Variants in RHOQ observed in about 807,000 individuals in gnomAD.
RHOQ encodes the protein ras homolog family member Q, also known as rho-related GTP-binding protein RhoQ.
Under a neutral mutation model 25.8 loss-of-function variants are expected in RHOQ, and 7 were observed. The observed-to-expected ratio is 0.27, with a 90% CI of 0.15 to 0.51. RHOQ has a LOEUF of 0.51. Among genes scored for constraint, RHOQ ranks in the 20% least tolerant of loss-of-function variants. RHOQ has a pLI of 0.97. For missense variants in RHOQ, 165 were observed against 260.6 expected (o/e 0.63, Z 2.53); for synonymous variants, 97 against 98.6 (o/e 0.98, Z 0.10).
At chr2:46,550,391 G>T (rs981380565) in intron 2 of RHOQ, among the ~76,000 whole-genome samples, 1 of 152,204 alleles carries the variant, frequency 6.6e-6, no homozygotes, top group African/African-American at 2.4e-5. Flanking sequence ...AGTCTTTAAG[G>T]TTCAAAGGAG....
chr2:46,551,122 C>G (rs1028962996), intron 2 of RHOQ, among the ~76,000 whole-genome samples: 1 of 152,164 alleles, frequency 6.6e-6, no homozygotes, highest in Non-Finnish European at 1.5e-5. Flanking sequence ...CCTTCGGAAA[C>G]CTGTTTCCTT....
Position 46,581,404 on chromosome 2 carries a change from C to T in RHOQ, c.*321C>T. ...AAAAACAGAGCTGTAAATGGAACTGCTTGGCTTTGACCATACACATTTCTG... is the reference window on the plus strand; with the variant it reads ...AAAAACAGAGCTGTAAATGGAACTGTTTGGCTTTGACCATACACATTTCTG... On this transcript the variant is annotated 3_prime_UTR_variant, in exon 5 of 5. Transcript: ENST00000238738. 6.4e-7 allele frequency: 1 copy of T among 1,551,644 alleles called. No individual in the cohort carries two copies. Among genetic ancestry groups the T allele is most frequent in the East Asian group, 2.4e-5 (1 of 41,636 alleles).
chr2:46,582,930 T>C lies in RHOQ; in HGVS notation c.*1847T>C, dbSNP rs1232399048. The C allele has an allele frequency of 2.0e-5, 3 of 152,276 alleles. No individual in the cohort carries two copies. Among genetic ancestry groups the C allele is most frequent in the Non-Finnish European group, 4.4e-5 (3 of 68,014 alleles). The allele number at this position is 152,276 out of a possible 1,614,324, so 9.4% of individuals were successfully genotyped here. A position where few individuals can be genotyped will look rare whatever the true frequency, so the allele number is the denominator to read the frequency against. The stretch of plus-strand genomic sequence containing the variant: ...TCTTCTTTCTTCCAAGAAATGGTGG[T>C]TCACATTAAAGTATCATGGCCTTAT... On this transcript the variant is annotated 3_prime_UTR_variant, in exon 5 of 5. Transcript: ENST00000238738.
chr2:46,572,125 T>G (rs1668945343), intron 2 of RHOQ, among the ~76,000 whole-genome samples: 2 of 141,182 alleles, frequency 1.4e-5, no homozygotes, highest in Non-Finnish European at 1.5e-5. Flanking sequence ...TTTTTTTTTT[T>G]TTTTTTTTTG....
chr2:46,543,812 GGTGA>G lies in RHOQ; in HGVS notation c.201+4_201+7del, dbSNP rs1360184747. On this transcript the variant is annotated splice_donor_variant and splice_donor_region_variant and intron_variant, in intron 2 of 4. Transcript: ENST00000238738. LOFTEE classifies it high-confidence loss of function. The stretch of plus-strand genomic sequence containing the variant: ...TAGGACTCTATGACACGGCCGGACA[GGTGA>G]GTGTCTTGGCCTCTGGCCGACGCCC... The G allele has an allele frequency of 1.2e-6, 2 of 1,613,128 alleles. No individual in the cohort carries two copies.
At chr2:46,561,630 C>G (rs1197458780) in intron 2 of RHOQ, among the ~76,000 whole-genome samples, 1 of 151,988 alleles carries the variant, frequency 6.6e-6, no homozygotes, top group Non-Finnish European at 1.5e-5. Flanking sequence ...TCCATGTAGC[C>G]TTTTCTGTTT....
Position 46,555,573 on chromosome 2 carries a change from C to T in RHOQ, c.201+11761C>T, listed in dbSNP as rs1388366379. On this transcript the variant is annotated intron_variant, in intron 2 of 4. Coordinates refer to ENST00000238738, the MANE Select transcript of RHOQ (RefSeq NM_012249.4). This position sits in a 1 kb window ranked among gnomAD's most constrained non-coding sequence, Gnocchi z 4.3. ...TGGCTTTAAAGCAGGTTATAGGTGG[C>T]GATTTGAATACATTGACCATTTAAG... Among the ~76,000 whole-genome samples the T allele has an allele frequency of 3.3e-5, 5 of 152,266 alleles. No homozygotes were observed. The highest frequency in any genetic ancestry group is 1.9e-4 in the East Asian group (1 of 5,192).
intron 2 of RHOQ, among the ~76,000 whole-genome samples, chr2:46,551,091 ACTTCCCAGCAAGGGG>A (rs1668226519): frequency 6.6e-6 from 1 of 152,198 alleles, no homozygotes; most frequent in Non-Finnish European, 1.5e-5. Context: ...CAGCTCTGCC[ACTTCCCAGCAAGGGG>A]CTTAACCTTC....
In RHOQ at chr2:46,584,232, G is replaced by T. The variant is rs559393190; in HGVS notation, c.*3149G>T. Among the ~76,000 whole-genome samples the T allele has an allele frequency of 1.3e-5, 2 of 152,086 alleles. No homozygotes were observed. The highest frequency in any genetic ancestry group is 3.9e-4 in the East Asian group (2 of 5,172). ...ATACTATGCATAGTTTACTATCTACGTAAAGCACTGAACTTTTTACCTTAG... is the reference window on the plus strand; with the variant it reads ...ATACTATGCATAGTTTACTATCTACTTAAAGCACTGAACTTTTTACCTTAG... On this transcript the variant is annotated 3_prime_UTR_variant, in exon 5 of 5. Coordinates refer to ENST00000238738, the MANE Select transcript of RHOQ (RefSeq NM_012249.4).
Position 46,547,661 on chromosome 2 carries a change from G to A in RHOQ, c.201+3849G>A, listed in dbSNP as rs62134739. On this transcript the variant is annotated intron_variant, in intron 2 of 4. Coordinates refer to ENST00000238738, the MANE Select transcript of RHOQ (RefSeq NM_012249.4). Reference sequence around the variant, plus strand: ...TCTTCCTTCTCACTAGGGGCCTTGCGTGTGTTTTGGGGGTGAGGGGTTGGC... The same window carrying A: ...TCTTCCTTCTCACTAGGGGCCTTGCATGTGTTTTGGGGGTGAGGGGTTGGC... Among the ~76,000 whole-genome samples the A allele has an allele frequency of 6.7e-4, 102 of 152,326 alleles. 1 individual carries two copies. Among genetic ancestry groups the A allele is most frequent in the South Asian group, 1.4e-3 (7 of 4,828 alleles).
intron 2 of RHOQ, among the ~76,000 whole-genome samples, chr2:46,547,908 T>A (rs1314334480): frequency 6.6e-6 from 1 of 152,174 alleles, no homozygotes; most frequent in African/African-American, 2.4e-5. Flanking sequence ...TCTCTAGCTG[T>A]GGGCTCTAGG....
Position 46,581,496 on chromosome 2 carries a change from A to C in RHOQ, c.*413A>C. 6.2e-7 allele frequency: 1 copy of C among 1,611,308 alleles called. No individual in the cohort carries two copies. The highest frequency in any genetic ancestry group is 8.5e-7 in the Non-Finnish European group (1 of 1,179,412). ...GCTCCAGTTAATTGTTCTTGTATGT[A>C]AGTTGCTTTCTATTCCAGTATATCC... On this transcript the variant is annotated 3_prime_UTR_variant, in exon 5 of 5. Transcript: ENST00000238738.
At chr2:46,572,027 A>G (rs1263754372) in intron 2 of RHOQ, among the ~76,000 whole-genome samples, 2 of 149,052 alleles carry the variant, frequency 1.3e-5, no homozygotes, top group Non-Finnish European at 3.0e-5. Context: ...TCTCTGTGGC[A>G]TTGGAAGAGC....
At chr2:46,575,399 TCACACACA>T (rs56002979) in intron 2 of RHOQ, among the ~76,000 whole-genome samples, 5,055 of 138,288 alleles carry the variant, frequency 0.037, 269 homozygotes, top group African/African-American at 0.12. Context: ...CTTTAAATCT[TCACACACA>T]CACACACACA....
At position 46,552,189 on chromosome 2, in the gene RHOQ, C is replaced by T. The variant is rs1002359108; in HGVS notation, c.201+8377C>T. ...CGTAGGGACGGCTGCTAAAACGGCT[C>T]CTACAAAGACTTCTGCCCCACGTGA... On this transcript the variant is annotated intron_variant, in intron 2 of 4. Coordinates refer to ENST00000238738, the MANE Select transcript of RHOQ (RefSeq NM_012249.4). The surrounding 1 kb of genome is among the most constrained non-coding windows in gnomAD (Gnocchi z 5.0). 6.6e-6 allele frequency among the ~76,000 whole-genome samples: 1 copy of T among 152,192 alleles called. No individual in the cohort carries two copies. The highest frequency in any genetic ancestry group is 2.4e-5 in the African/African-American group (1 of 41,432).
intron 2 of RHOQ, among the ~76,000 whole-genome samples, chr2:46,558,445 T>C (rs59433516): frequency 0.033 from 4,966 of 152,282 alleles, 98 homozygotes; most frequent in African/African-American, 0.053. Context: ...ATATTTTTTC[T>C]CCCTTTGGAA....
rs1435498699 is a variant in RHOQ, at chr2:46,584,396, A to C, written c.*3313A>C. On this transcript the variant is annotated 3_prime_UTR_variant, in exon 5 of 5. Coordinates refer to ENST00000238738, the MANE Select transcript of RHOQ (RefSeq NM_012249.4). ...AGCTCACTGTTAAAGTATAGGGAGA[A>C]TAGTAATCCCTCATGAATCCCAGCT... Among the ~76,000 whole-genome samples the C allele has an allele frequency of 6.6e-6, 1 of 152,168 alleles. No individual in the cohort carries two copies. Among genetic ancestry groups the C allele is most frequent in the Non-Finnish European group, 1.5e-5 (1 of 68,012 alleles).
intron 2 of RHOQ, among the ~76,000 whole-genome samples, chr2:46,549,475 CAT>C (rs1461806378): frequency 6.6e-6 from 1 of 152,108 alleles, no homozygotes; most frequent in Non-Finnish European, 1.5e-5. Context: ...AGAAAGAGCA[CAT>C]GTGTTGGCAG....
intron 2 of RHOQ, among the ~76,000 whole-genome samples, chr2:46,561,602 TC>T (rs766295069): frequency 2.6e-5 from 4 of 152,098 alleles, no homozygotes; most frequent in African/African-American, 4.8e-5. Context: ...ACAGAGAACA[TC>T]CAGTAATACC....
Sources: allele counts gnomAD v4.1 joint callset (sites outside exome capture counted in the v4.1 genomes callset), GRCh38; gene constraint gnomAD v4.1.1; non-coding constraint Gnocchi (gnomAD v3.1); transcripts MANE v1.5; gene names NCBI Gene and HGNC (gene_info 2026-07-23, HGNC 2026-07-21).